Variants in NRDC observed in about 807,000 individuals in gnomAD.
NRDC encodes the protein nardilysin.
Under a neutral mutation model 147.1 loss-of-function variants are expected in NRDC, and 54 were observed. The observed-to-expected ratio is 0.37, with a 90% CI of 0.29 to 0.46. NRDC has a LOEUF of 0.46. Among genes scored for constraint, NRDC ranks in the 20% least tolerant of loss-of-function variants. The probability of loss-of-function intolerance (pLI) is 1.00; values close to 1 mark genes in which losing one functional copy is unlikely to be tolerated. For synonymous variants in NRDC, 440 were observed against 482.1 expected, an observed-to-expected ratio of 0.91 and a Z score of 1.14; for missense variants, 1,082 against 1,370.6, an observed-to-expected ratio of 0.79 and a Z score of 3.33.
intron 8 of NRDC, 72 bp downstream of exon 8, chr1:51,821,426 C>T: frequency 1.9e-6 from 2 of 1,031,788 alleles, no homozygotes; most frequent in East Asian, 2.5e-5. Flanking sequence ...AGCAAAAAAC[C>T]TTTGGGACTC....
chr1:51,878,149 G>C, intron 1 of NRDC, 126 bp downstream of exon 1: 1 of 1,415,268 alleles, frequency 7.1e-7, no homozygotes, highest in Non-Finnish European at 9.4e-7. Context: ...TCCACCCAAG[G>C]AAGCATTTGG....
intron 21 of NRDC, among the ~76,000 whole-genome samples, chr1:51,800,066 C>T (rs181644942): frequency 1.1e-3 from 167 of 152,298 alleles, no homozygotes; most frequent in African/African-American, 3.9e-3. Flanking sequence ...CCTCAACCTC[C>T]TGGGCTCAAG....
At chr1:51,851,221 A>AT (rs1681932100) in intron 1 of NRDC, among the ~76,000 whole-genome samples, 1 of 151,862 alleles carries the variant, frequency 6.6e-6, no homozygotes, top group Non-Finnish European at 1.5e-5. Context: ...GCCCCATAGT[A>AT]TTTTTCCTTT....
At chr1:51,831,015 C>T (rs1164434632) in intron 4 of NRDC, among the ~76,000 whole-genome samples, 1 of 151,872 alleles carries the variant, frequency 6.6e-6, no homozygotes, top group Non-Finnish European at 1.5e-5. Flanking sequence ...GTATTTGCAC[C>T]CTATAATGCT....
At chr1:51,836,431 G>T in intron 2 of NRDC, 1 of 1,613,736 alleles carries the variant, frequency 6.2e-7, no homozygotes, top group South Asian at 1.1e-5. Flanking sequence ...TGCTGAACAG[G>T]TGCAGACCTA....
At chr1:51,795,232 A>G in intron 22 of NRDC, 3 of 1,295,138 alleles carry the variant, frequency 2.3e-6, no homozygotes, top group Non-Finnish European at 3.0e-6. Flanking sequence ...AGAAAATAAC[A>G]TTTAATACTG....
At position 51,790,938 on chromosome 1, in the gene NRDC, T is replaced by A; in HGVS notation, c.3013A>T (p.Lys1005Ter). The A allele has an allele frequency of 6.2e-7, 1 of 1,613,892 alleles. No homozygotes were observed. The change falls in exon 28 of 31, where the codon AAG becomes TAG. Residue 1005 changes from lysine to a stop codon, truncating the protein, a stop_gained. Transcript: ENST00000352171. LOFTEE classifies it high-confidence loss of function. The stretch of plus-strand genomic sequence containing the variant: ...GCCTCTTCAGTGAGGTTCTCAATCT[T>A]CTCCTCAAAGCTAGAAAGAAACTCT... ...IEEFLSSFEE[K>*]IENLTEEAFN... is the part of the protein sequence containing the mutation.
Position 51,819,816 on chromosome 1 carries a change from A to G in NRDC, c.1275T>C (p.Phe425=). The G allele has an allele frequency of 6.2e-7, 1 of 1,606,324 alleles. No individual in the cohort carries two copies. Reference sequence around the variant, plus strand: ...TTCACAAACCTCTATAAAGTTTGTTAAATGCTGGTGTGTCAAATGGATCCG... The same window carrying G: ...TTCACAAACCTCTATAAAGTTTGTTGAATGCTGGTGTGTCAAATGGATCCG... The part of the protein sequence containing the change: ...HLTDPFDTPA[F]NKLYRVVPIR... Residue 425 remains phenylalanine, a synonymous_variant, in exon 9 of 31, where the codon TTT becomes TTC. Coordinates refer to ENST00000352171, the MANE Select transcript of NRDC (RefSeq NM_001101662.2).
rs951109763 is a variant in NRDC, at chr1:51,840,469, G to T, written c.387C>A (p.Asp129Glu). The change falls in exon 2 of 31, where the codon GAC (aspartate) becomes GAA (glutamate). Residue 129 changes from aspartate to glutamate, a missense_variant. By Grantham distance (45) the Asp-to-Glu change is conservative. Around this residue, in one of 3 missense-constraint regions of NRDC, gnomAD observed 260 missense variants for 253.2 expected, o/e 1.03. Coordinates refer to ENST00000352171, the MANE Select transcript of NRDC (RefSeq NM_001101662.2). The stretch of plus-strand genomic sequence containing the variant: ...CTGTTTTACCTTCCATATTACTTAG[G>T]TCTGAAATCAGAAGTGCCTGCAAGC... Reference protein sequence around the residue: ...QNGLQALLISDLSNMEGKTGN... With the variant: ...QNGLQALLISELSNMEGKTGN... 1 of 1,610,816 alleles carries T rather than the reference G, an allele frequency of 6.2e-7. No homozygotes were observed. The highest frequency in any genetic ancestry group is 8.5e-7 in the Non-Finnish European group (1 of 1,179,002).
intron 17 of NRDC, among the ~76,000 whole-genome samples, chr1:51,809,017 A>T (rs1212039159): frequency 6.6e-6 from 1 of 152,170 alleles, no homozygotes; most frequent in Non-Finnish European, 1.5e-5. Flanking sequence ...CCCTAAGGAG[A>T]TTGGTATGAA....
intron 1 of NRDC, among the ~76,000 whole-genome samples, chr1:51,847,778 C>T (rs1433310264): frequency 6.6e-6 from 1 of 152,222 alleles, no homozygotes; most frequent in Non-Finnish European, 1.5e-5. Context: ...GCTGAGGGAG[C>T]CGGCTCCAGC....
Position 51,794,519 on chromosome 1 carries a change from C to T in NRDC, c.2728G>A (p.Ala910Thr). Residue 910 changes from alanine (A) to threonine (T), a missense_variant, in exon 24 of 31, where the codon GCT becomes ACT. Physicochemically the swap from Ala to Thr is moderately conservative, Grantham distance 58 (BLOSUM62 0). This residue lies in a region of NRDC where 635 missense variants were observed against 923.8 expected (regional missense o/e 0.69). Transcript: ENST00000352171. ...GAGTTGGCATCACCCTTGTTCAGAG[C>T]TTTCACTTTGCATAGATGGTGGCCA... ...PSGHHLCKVKALNKGDANSEV... is the reference protein window; with the variant it reads ...PSGHHLCKVKTLNKGDANSEV... 2 of 1,614,188 alleles carry T rather than the reference C, an allele frequency of 1.2e-6. No homozygotes were observed. The highest frequency in any genetic ancestry group is 1.7e-6 in the Non-Finnish European group (2 of 1,180,030).
At chr1:51,869,845 C>T (rs1682999285) in intron 1 of NRDC, among the ~76,000 whole-genome samples, 3 of 152,214 alleles carry the variant, frequency 2.0e-5, no homozygotes, top group African/African-American at 7.2e-5. Flanking sequence ...ATCATTTGCA[C>T]TTCTGTAACC....
At chr1:51,793,599 G>C (rs1678751266) in intron 24 of NRDC, among the ~76,000 whole-genome samples, 1 of 152,218 alleles carries the variant, frequency 6.6e-6, no homozygotes, top group Non-Finnish European at 1.5e-5. Context: ...CTGACAGCCA[G>C]ACCAGGATAA....
intron 4 of NRDC, among the ~76,000 whole-genome samples, chr1:51,829,453 G>A: frequency 6.6e-6 from 1 of 152,238 alleles, no homozygotes; most frequent in Admixed American, 6.5e-5. Context: ...TCATCTGTAA[G>A]TGTAACTCAT....
chr1:51,831,735 C>T (rs560586162), intron 4 of NRDC, among the ~76,000 whole-genome samples: 2 of 151,874 alleles, frequency 1.3e-5, no homozygotes, highest in South Asian at 4.2e-4. Flanking sequence ...TGCGCCACCA[C>T]ACCCAGCTAA....
intron 2 of NRDC, among the ~76,000 whole-genome samples, chr1:51,838,772 T>C (rs894815467): frequency 2.0e-5 from 3 of 152,192 alleles, no homozygotes; most frequent in Admixed American, 1.3e-4. Context: ...TAATGCTCTA[T>C]TTGGAATTAT....
At chr1:51,836,457 A>C in intron 2 of NRDC, 5 of 1,610,848 alleles carry the variant, frequency 3.1e-6, no homozygotes, top group Non-Finnish European at 4.2e-6. Flanking sequence ...AAAAAGCAGA[A>C]ACAGACAGAA....
chr1:51,852,898 A>G (rs1010563313), intron 1 of NRDC, among the ~76,000 whole-genome samples: 1 of 152,220 alleles, frequency 6.6e-6, no homozygotes, highest in East Asian at 1.9e-4. Flanking sequence ...TTCAATCATC[A>G]TAATCTGAGG....
Sources: allele counts gnomAD v4.1 joint callset (sites outside exome capture counted in the v4.1 genomes callset), GRCh38; gene constraint gnomAD v4.1.1; regional missense constraint gnomAD v4.1.1; transcripts MANE v1.5; gene names NCBI Gene and HGNC (gene_info 2026-07-23, HGNC 2026-07-21).